RBPJ: variants seen among roughly 807,000 people sequenced by gnomAD.
The protein encoded by RBPJ is recombination signal binding protein for immunoglobulin kappa J region.
A neutral mutation model predicts 67.8 loss-of-function variants in RBPJ; 9 were observed. That is an observed-to-expected ratio of 0.13 (90% CI 0.08 to 0.23). The LOEUF (loss-of-function observed/expected upper bound fraction) is 0.23. RBPJ is among the 10% of genes least tolerant of loss of function. The pLI, the probability that RBPJ is intolerant of heterozygous loss-of-function variation, is 1.00. For missense variants in RBPJ, 305 were observed against 595.6 expected (o/e 0.51, Z 5.08); for synonymous variants, 198 against 203.3 (o/e 0.97, Z 0.22).
At chr4:26,314,250 A>T (rs567622819) in intron 1 of RBPJ, among the ~76,000 whole-genome samples, 28 of 151,722 alleles carry the variant, frequency 1.8e-4, no homozygotes, top group African/African-American at 5.1e-4. Context: ...TGTATAATTT[A>T]AAAAAAAAGA....
intron 5 of RBPJ, among the ~76,000 whole-genome samples, chr4:26,422,446 A>G (rs527619886): frequency 2.6e-5 from 4 of 152,128 alleles, no homozygotes; most frequent in Non-Finnish European, 4.4e-5. Flanking sequence ...CATATCAGCT[A>G]TTTGCTTCAA....
intron 1 of RBPJ, among the ~76,000 whole-genome samples, chr4:26,276,624 TC>T (rs758159981): frequency 3.3e-5 from 5 of 152,260 alleles, no homozygotes; most frequent in Admixed American, 6.5e-5. Flanking sequence ...TGATTACTCT[TC>T]TGTTTCCATG....
At chr4:26,141,998 C>T in the RBPJ span, among the ~76,000 whole-genome samples, 3,334 of 152,346 alleles carry the variant, frequency 0.022, 128 homozygotes, top group African/African-American at 0.076. Context: ...CAGCTTAAAC[C>T]TCTGAGGCTT....
At chr4:26,135,056 T>A in the RBPJ span, among the ~76,000 whole-genome samples, 1 of 152,084 alleles carries the variant, frequency 6.6e-6, no homozygotes, top group Non-Finnish European at 1.5e-5. Flanking sequence ...TCTGCCTCCT[T>A]CCTCACTGCA....
intron 1 of RBPJ, among the ~76,000 whole-genome samples, chr4:26,214,557 AG>A (rs1718566800): frequency 7.9e-6 from 1 of 127,014 alleles, no homozygotes; most frequent in Non-Finnish European, 1.7e-5. Context: ...GGGAGGGAAA[AG>A]AGAGAGAAAA....
chr4:26,371,853 A>G (rs773935170), intron 1 of RBPJ, among the ~76,000 whole-genome samples: 10 of 152,214 alleles, frequency 6.6e-5, no homozygotes, highest in Non-Finnish European at 1.5e-4. Context: ...GGATAAAGTC[A>G]TTATTTTGGA....
chr4:26,369,127 T>C (rs529124870), intron 1 of RBPJ, among the ~76,000 whole-genome samples: 1 of 152,362 alleles, frequency 6.6e-6, no homozygotes, highest in South Asian at 2.1e-4. Flanking sequence ...TACTAGGTTT[T>C]TAAGACATGC....
chr4:26,169,246 T>G (rs1716455691), intron 1 of RBPJ, among the ~76,000 whole-genome samples: 1 of 152,138 alleles, frequency 6.6e-6, no homozygotes, highest in South Asian at 2.1e-4. Context: ...CAGATGGGTT[T>G]TTGGTGTGGA....
intron 1 of RBPJ, among the ~76,000 whole-genome samples, chr4:26,342,366 G>T (rs1401192145): frequency 6.6e-6 from 1 of 151,496 alleles, no homozygotes; most frequent in East Asian, 1.9e-4. Context: ...GTATTATCTT[G>T]TTTTACAGAA....
rs78273254 is a variant in RBPJ at position 26,242,176 on chromosome 4, G to A, written c.-167+78562G>A. The stretch of plus-strand genomic sequence containing the variant: ...CTGAGAGTGTGGTCCAGCCGGGAGC[G>A]GTGGCTCACCCCTGTAATCCCAGCA... On this transcript the variant is annotated intron_variant, in intron 1 of 4. Transcript: ENST00000512351. Among the ~76,000 whole-genome samples the A allele has an allele frequency of 3.7e-4, 57 of 152,024 alleles. No individual in the cohort carries two copies. The East Asian group carries it at 9.4e-3, about 25-fold the overall frequency.
chr4:26,265,470 A>G (rs1285168808), intron 1 of RBPJ, among the ~76,000 whole-genome samples: 1 of 151,718 alleles, frequency 6.6e-6, no homozygotes, highest in Non-Finnish European at 1.5e-5. Flanking sequence ...AAGAGATTTC[A>G]GTGGCTACTG....
chr4:26,146,476 G>C, the RBPJ span, among the ~76,000 whole-genome samples: 1 of 152,200 alleles, frequency 6.6e-6, no homozygotes, highest in African/African-American at 2.4e-5. Context: ...TCAAGACCTT[G>C]AGTTAAACAA....
At chr4:26,376,882 C>T (rs1729804754) in intron 1 of RBPJ, among the ~76,000 whole-genome samples, 1 of 152,150 alleles carries the variant, frequency 6.6e-6, no homozygotes. Context: ...TTGCATTTCC[C>T]TAATTAATGA....
the RBPJ span, among the ~76,000 whole-genome samples, chr4:26,128,845 A>G: frequency 1.8e-3 from 273 of 152,180 alleles, 1 homozygote; most frequent in African/African-American, 5.9e-3. Flanking sequence ...GTTTCACAAG[A>G]TCTGATGGTT....
At chr4:26,231,210 G>A (rs1719271622) in intron 1 of RBPJ, among the ~76,000 whole-genome samples, 1 of 152,160 alleles carries the variant, frequency 6.6e-6, no homozygotes, top group Admixed American at 6.5e-5. Flanking sequence ...AGAGCCTCAA[G>A]GAGCTGACAG....
intron 3 of RBPJ, among the ~76,000 whole-genome samples, chr4:26,414,926 C>A (rs1239041741): frequency 2.0e-5 from 3 of 152,170 alleles, no homozygotes; most frequent in South Asian, 2.1e-4. Context: ...TGCTCATAAT[C>A]AGGAGATCCA....
chr4:26,431,184 TAAAAAAAAAAAA>T lies in RBPJ; in HGVS notation c.*193_*204del, dbSNP rs897964346. ...CTGATTTGAAATGCAGAAGCCACAG[TAAAAAAAAAAAA>T]AAAAAAAAAAAAAAAGAAAAAAAAA... On this transcript the variant is annotated 3_prime_UTR_variant, in exon 11 of 11. Coordinates refer to ENST00000355476, the MANE Select transcript of RBPJ (RefSeq NM_015874.6). 2.7e-4 allele frequency: 11 copies of T among 40,798 alleles called. No individual in the cohort carries two copies. Among genetic ancestry groups the T allele is most frequent in the East Asian group, 1.5e-3 (5 of 3,356 alleles). 2.5% of individuals were successfully genotyped at this position (40,798 alleles called of 1,614,324 possible). A position where few individuals can be genotyped will look rare whatever the true frequency, so the allele number is the denominator to read the frequency against.
intron 1 of RBPJ, among the ~76,000 whole-genome samples, chr4:26,183,185 T>C (rs1320749633): frequency 2.6e-5 from 4 of 152,238 alleles, no homozygotes; most frequent in African/African-American, 7.2e-5. Context: ...AGAAAGTGTG[T>C]GTACACCAGC....
intron 1 of RBPJ, among the ~76,000 whole-genome samples, chr4:26,242,303 C>T (rs1222452311): frequency 1.3e-5 from 2 of 151,976 alleles, no homozygotes; most frequent in Non-Finnish European, 2.9e-5. Context: ...AACAAATTAG[C>T]CGGGCATGGT....
Sources: gnomAD v4.1 joint callset for allele counts (sites outside exome capture counted in the v4.1 genomes callset) on GRCh38, gnomAD v4.1.1 for gene constraint, MANE v1.5 for transcripts, NCBI Gene and HGNC (gene_info 2026-07-23, HGNC 2026-07-21) for gene names.